CCN2: variants seen among roughly 807,000 people sequenced by gnomAD.
CCN2 encodes cellular communication network factor 2.
In CCN2, 22 loss-of-function variants were observed where a neutral mutation model predicts 33.2. The observed-to-expected ratio is 0.66, with a 90% CI of 0.47 to 0.95. The LOEUF (loss-of-function observed/expected upper bound fraction) is 0.95. Ranked by LOEUF, CCN2 falls within the 40% of genes least tolerant of loss-of-function variation. The probability of loss-of-function intolerance (pLI) is 0.00; values close to 1 mark genes in which losing one functional copy is unlikely to be tolerated. For missense variants in CCN2, 469 were observed against 498.8 expected, an observed-to-expected ratio of 0.94 and a Z score of 0.57; for synonymous variants, 178 against 200.6, an observed-to-expected ratio of 0.89 and a Z score of 0.95.
Position 131,951,143 on chromosome 6 carries a change from G to A in CCN2, c.30C>T (p.Arg10=), listed in dbSNP as rs1783104751. MTAASMGPV[R]VAFVVLLALC... is the part of the protein sequence containing the mutation. The stretch of plus-strand genomic sequence containing the variant: ...GGGCGAGGAGGACCACGAAGGCGAC[G>A]CGGACGGGGCCCATACTGGCGGCGG... The change falls in exon 1 of 5, where the codon CGC becomes CGT. Residue 10 remains arginine (R), a synonymous_variant. Transcript: ENST00000367976. The A allele has an allele frequency of 7.4e-7, 1 of 1,346,774 alleles. No individual in the cohort carries two copies. The allele number at this position is 1,346,774 out of a possible 1,614,324, so 83.4% of individuals were successfully genotyped here. A position where few individuals can be genotyped will look rare whatever the true frequency, so the allele number is the denominator to read the frequency against.
rs1365979302 is a variant in CCN2 at position 131,950,230 on chromosome 6, C to A, written c.541+62G>T. 4 of 1,610,464 alleles carry A rather than the reference C, an allele frequency of 2.5e-6. No homozygotes were observed. Among genetic ancestry groups the A allele is most frequent in the Non-Finnish European group, 3.4e-6 (4 of 1,177,410 alleles). ...AGGTATTTCCCCCGTTCGGTCGGCA[C>A]AGTTAGGACTCCCTCCCTGGGAGAG... is the stretch of plus-strand genomic sequence containing the variant. On this transcript the variant is annotated intron_variant, in intron 3 of 4. Transcript: ENST00000367976. The surrounding 1 kb of genome is among the most constrained non-coding windows in gnomAD (Gnocchi z 7.1).
Position 131,949,438 on chromosome 6 carries a change from G to C in CCN2, c.876C>G (p.Cys292Trp). Residue 292 changes from cysteine (C) to tryptophan (W), a missense_variant, in exon 5 of 5, where the codon TGC becomes TGG. By Grantham distance (215) the Cys-to-Trp change is radical. Coordinates refer to ENST00000367976, the MANE Select transcript of CCN2 (RefSeq NM_001901.4). The part of the protein sequence containing the change: ...KFCGVCTDGR[C>W]CTPHRTTTLP... ...GGGTGGTGGTTCTGTGGGGGGTGCA[G>C]CATCGGCCGTCGGTACATACTCCAC... 6.2e-7 allele frequency: 1 copy of C among 1,614,224 alleles called. No homozygotes were observed. The highest frequency in any genetic ancestry group is 8.5e-7 in the Non-Finnish European group (1 of 1,180,042).
Position 131,950,534 on chromosome 6 carries a change from C to T in CCN2, c.299G>A (p.Gly100Asp). Residue 100 changes from glycine to aspartate, a missense_variant, in exon 3 of 5, where the codon GGT becomes GAT. Coordinates refer to ENST00000367976, the MANE Select transcript of CCN2 (RefSeq NM_001901.4). This position sits in a 1 kb window ranked among gnomAD's most constrained non-coding sequence, Gnocchi z 7.1. ...RKIGVCTAKD[G>D]APCIFGGTVY... Reference sequence around the variant, plus strand: ...CGTACCACCGAAGATGCAGGGAGCACCATCTTTGGCTGGAGAAGAGGAAGG... The same window carrying T: ...CGTACCACCGAAGATGCAGGGAGCATCATCTTTGGCTGGAGAAGAGGAAGG... 1 of 1,613,058 alleles carries T rather than the reference C, an allele frequency of 6.2e-7. No homozygotes were observed. Among genetic ancestry groups the T allele is most frequent in the East Asian group, 2.2e-5 (1 of 44,850 alleles).
chr6:131,949,512 A>C lies in CCN2; in HGVS notation c.802T>G (p.Phe268Val). 6.2e-7 allele frequency: 1 copy of C among 1,613,422 alleles called. No individual in the cohort carries two copies. The highest frequency in any genetic ancestry group is 8.5e-7 in the Non-Finnish European group (1 of 1,179,650). Reference protein sequence around the residue: ...RTPKISKPIKFELSGCTSMKT... With the variant: ...RTPKISKPIKVELSGCTSMKT... ...ATGCTGGTGCAGCCAGAAAGCTCAA[A>C]CTTGATAGGCTTGGAGATTTTGGGA... is the stretch of plus-strand genomic sequence containing the variant. The change falls in exon 5 of 5, where the codon TTT (phenylalanine) becomes GTT (valine). Residue 268 changes from phenylalanine to valine, a missense_variant. By Grantham distance (50) the Phe-to-Val change is conservative (BLOSUM62 -1). Transcript: ENST00000367976.
In CCN2 at chr6:131,948,593, G is replaced by A. The variant is rs570831860; in HGVS notation, c.*671C>T. 6.6e-6 allele frequency: 1 copy of A among 151,262 alleles called. No homozygotes were observed. The highest frequency in any genetic ancestry group is 1.5e-5 in the Non-Finnish European group (1 of 67,696). The allele number at this position is 151,262 out of a possible 1,614,324, so 9.4% of individuals were successfully genotyped here. ...AAGCATTAAAAACAAAAATAAAAAG[G>A]CACAAACAACTTTAAATTAACTTAG... is the stretch of plus-strand genomic sequence containing the variant. On this transcript the variant is annotated 3_prime_UTR_variant, in exon 5 of 5. Transcript: ENST00000367976.
chr6:131,950,865 C>T lies in CCN2; in HGVS notation c.194G>A (p.Gly65Asp), dbSNP rs1331949021. Residue 65 changes from glycine to aspartate, a missense_variant, in exon 2 of 5, where the codon GGC (glycine) becomes GAC (aspartate). By Grantham distance (94) the Gly-to-Asp change is moderately conservative. Transcript: ENST00000367976. This position sits in a 1 kb window ranked among gnomAD's most constrained non-coding sequence, Gnocchi z 7.1. ...GCCRVCAKQL[G>D]ELCTERDPCD... ...TGGGTCGCGCTCGGTGCACAGCTCG[C>T]CCAGCTGCTTGGCGCAGACGCGGCA... is the stretch of plus-strand genomic sequence containing the variant. 5.9e-6 allele frequency: 9 copies of T among 1,533,666 alleles called. No individual in the cohort carries two copies. The highest frequency in any genetic ancestry group is 2.0e-5 in the Admixed American group (1 of 50,986).
chr6:131,950,696 TC>T lies in CCN2; in HGVS notation c.289+73del, dbSNP rs1249700358. ...AGAAAGAAACTCAGTCCGAGCGGTT[TC>T]TTTTTCCAGCGGGCGGGTGGGCGTG... is the stretch of plus-strand genomic sequence containing the variant. On this transcript the variant is annotated intron_variant, in intron 2 of 4. Transcript: ENST00000367976. This position sits in a 1 kb window ranked among gnomAD's most constrained non-coding sequence, Gnocchi z 7.1. 11 of 1,478,854 alleles carry T rather than the reference TC, an allele frequency of 7.4e-6. No homozygotes were observed. Among genetic ancestry groups the T allele is most frequent in the Non-Finnish European group, 1.0e-5 (11 of 1,104,128 alleles). The allele number at this position is 1,478,854 out of a possible 1,614,324, so 91.6% of individuals were successfully genotyped here.
At position 131,950,462 on chromosome 6, in the gene CCN2, C is replaced by CACTG; in HGVS notation, c.367_370dup (p.Cys124SerfsTer25). ...GCCCACCGCCCCGTCCAGGCACGTG[C>CACTG]ACTGGTACTTGCAGCTGCTCTGGAA... On this transcript the variant is annotated frameshift_variant, in exon 3 of 5. Coordinates refer to ENST00000367976, the MANE Select transcript of CCN2 (RefSeq NM_001901.4). LOFTEE classifies it high-confidence loss of function. The surrounding 1 kb of genome is among the most constrained non-coding windows in gnomAD (Gnocchi z 7.1). The CACTG allele has an allele frequency of 6.2e-7, 1 of 1,614,030 alleles. No homozygotes were observed. The highest frequency in any genetic ancestry group is 8.5e-7 in the Non-Finnish European group (1 of 1,180,046).
In CCN2 at chr6:131,949,290, T is replaced by C. The variant is rs766862137; in HGVS notation, c.1024A>G (p.Arg342Gly). 7.4e-6 allele frequency: 12 copies of C among 1,614,050 alleles called. No individual in the cohort carries two copies. Among genetic ancestry groups the C allele is most frequent in the Non-Finnish European group, 1.0e-5 (12 of 1,180,014 alleles). Residue 342 changes from arginine (R) to glycine (G), a missense_variant, in exon 5 of 5, where the codon AGG (arginine) becomes GGG (glycine). Transcript: ENST00000367976. ...CATGCCATGTCTCCGTACATCTTCC[T>C]GTAGTACAGCGATTCAAAGATGTCA... The part of the protein sequence containing the change: ...DNDIFESLYY[R>G]KMYGDMA
At position 131,951,216 on chromosome 6, in the gene CCN2, G is replaced by T; in HGVS notation, c.-44C>A. On this transcript the variant is annotated 5_prime_UTR_variant, in exon 1 of 5. Coordinates refer to ENST00000367976, the MANE Select transcript of CCN2 (RefSeq NM_001901.4). ...AGCGGAGGGCGCGGTGGCGGCGAGCGGGGAGCGGCGGGGCCTGGAGCGCTG... is the reference window on the plus strand; with the variant it reads ...AGCGGAGGGCGCGGTGGCGGCGAGCTGGGAGCGGCGGGGCCTGGAGCGCTG... 2 of 1,263,792 alleles carry T rather than the reference G, an allele frequency of 1.6e-6. No homozygotes were observed. The highest frequency in any genetic ancestry group is 2.0e-6 in the Non-Finnish European group (2 of 1,005,732). The allele number at this position is 1,263,792 out of a possible 1,614,324, so 78.3% of individuals were successfully genotyped here.
Position 131,949,351 on chromosome 6 carries a change from C to T in CCN2, c.963G>A (p.Lys321=). ...GACAGTTGTAATGGCAGGCACAGGTCTTGATGAACATCATGTTCTTCTTCA... is the reference window on the plus strand; with the variant it reads ...GACAGTTGTAATGGCAGGCACAGGTTTTGATGAACATCATGTTCTTCTTCA... ...EVMKKNMMFI[K]TCACHYNCPG... The change falls in exon 5 of 5, where the codon AAG becomes AAA. Residue 321 remains lysine (K), a synonymous_variant. Transcript: ENST00000367976. The T allele has an allele frequency of 6.2e-7, 1 of 1,614,168 alleles. No homozygotes were observed. The highest frequency in any genetic ancestry group is 8.5e-7 in the Non-Finnish European group (1 of 1,180,040).
At position 131,949,340 on chromosome 6, in the gene CCN2, C is replaced by T. The variant is rs1332254757; in HGVS notation, c.974G>A (p.Cys325Tyr). ...ATTGTCTCCGGGACAGTTGTAATGG[C>T]AGGCACAGGTCTTGATGAACATCAT... Reference protein sequence around the residue: ...KNMMFIKTCACHYNCPGDNDI... With the variant: ...KNMMFIKTCAYHYNCPGDNDI... The change falls in exon 5 of 5, where the codon TGC becomes TAC. Residue 325 changes from cysteine (C) to tyrosine (Y), a missense_variant. By Grantham distance (194) the Cys-to-Tyr change is radical. Coordinates refer to ENST00000367976, the MANE Select transcript of CCN2 (RefSeq NM_001901.4). The T allele has an allele frequency of 6.2e-7, 1 of 1,614,208 alleles. No homozygotes were observed. Among genetic ancestry groups the T allele is most frequent in the Admixed American group, 1.7e-5 (1 of 60,020 alleles).
rs1298892255 is a variant in CCN2 at position 131,950,142 on chromosome 6, G to T, written c.560C>A (p.Thr187Lys). ...AATCATAGTTGGGTCTGGGCCAAAC[G>T]TGTCTTCCAGTCGGTAAGCTGCGAG... Reference protein sequence around the residue: ...PALAAYRLEDTFGPDPTMIRA... With the variant: ...PALAAYRLEDKFGPDPTMIRA... Residue 187 changes from threonine (T) to lysine (K), a missense_variant, in exon 4 of 5, where the codon ACG becomes AAG. Thr to Lys is a moderately conservative substitution (Grantham distance 78). Coordinates refer to ENST00000367976, the MANE Select transcript of CCN2 (RefSeq NM_001901.4). This position sits in a 1 kb window ranked among gnomAD's most constrained non-coding sequence, Gnocchi z 7.1. The T allele has an allele frequency of 6.2e-7, 1 of 1,614,114 alleles. No individual in the cohort carries two copies. The highest frequency in any genetic ancestry group is 1.3e-5 in the African/African-American group (1 of 74,940).
Position 131,950,074 on chromosome 6 carries a change from A to T in CCN2, c.628T>A (p.Ser210Thr). The change falls in exon 4 of 5, where the codon TCC becomes ACC. Residue 210 changes from serine to threonine, a missense_variant. Coordinates refer to ENST00000367976, the MANE Select transcript of CCN2 (RefSeq NM_001901.4). This position sits in a 1 kb window ranked among gnomAD's most constrained non-coding sequence, Gnocchi z 7.1. ...LVQTTEWSACSKTCGMGISTR... is the reference protein window; with the variant it reads ...LVQTTEWSACTKTCGMGISTR... ...GAGATGCCCATCCCACAGGTCTTGG[A>T]ACAGGCGCTCCACTCTGTGGTCTGG... 6.2e-7 allele frequency: 1 copy of T among 1,614,240 alleles called. No individual in the cohort carries two copies. The highest frequency in any genetic ancestry group is 1.6e-4 in the Middle Eastern group (1 of 6,062).
Position 131,949,950 on chromosome 6 carries a change from T to C in CCN2, c.752A>G (p.Lys251Arg), listed in dbSNP as rs777629332. Residue 251 changes from lysine (K) to arginine (R), a missense_variant and splice_region_variant, in exon 4 of 5, where the codon AAG becomes AGG. By Grantham distance (26) the Lys-to-Arg change is conservative. Coordinates refer to ENST00000367976, the MANE Select transcript of CCN2 (RefSeq NM_001901.4). ...PCEADLEENI[K>R]KGKKCIRTPK... Reference sequence around the variant, plus strand: ...AGTTAATAGGAGCAGAACATGTACCTTAATGTTCTCTTCCAGGTCAGCTTC... The same window carrying C: ...AGTTAATAGGAGCAGAACATGTACCCTAATGTTCTCTTCCAGGTCAGCTTC... 1 of 1,614,046 alleles carries C rather than the reference T, an allele frequency of 6.2e-7. No homozygotes were observed. Among genetic ancestry groups the C allele is most frequent in the South Asian group, 1.1e-5 (1 of 91,070 alleles).
At position 131,950,062 on chromosome 6, in the gene CCN2, C is replaced by G; in HGVS notation, c.640G>C (p.Gly214Arg). ...GTAACCCGGGTGGAGATGCCCATCC[C>G]ACAGGTCTTGGAACAGGCGCTCCAC... ...TEWSACSKTC[G>R]MGISTRVTND... Residue 214 changes from glycine to arginine, a missense_variant, in exon 4 of 5, where the codon GGG (glycine) becomes CGG (arginine). Coordinates refer to ENST00000367976, the MANE Select transcript of CCN2 (RefSeq NM_001901.4). The surrounding 1 kb of genome is among the most constrained non-coding windows in gnomAD (Gnocchi z 7.1). The G allele has an allele frequency of 6.2e-7, 1 of 1,614,208 alleles. No homozygotes were observed. The highest frequency in any genetic ancestry group is 1.1e-5 in the South Asian group (1 of 91,080).
chr6:131,949,598 A>T (rs79554885), intron 4 of CCN2, 38 bp from the exon 5 acceptor site: 1 of 1,485,476 alleles, frequency 6.7e-7, no homozygotes, highest in Non-Finnish European at 9.3e-7. Context: ...GAAAAAAAAA[A>T]ATCAGCGACT....
In CCN2 at chr6:131,950,344, C is replaced by A. The variant is rs1585880967; in HGVS notation, c.489G>T (p.Glu163Asp). 6.2e-7 allele frequency: 1 copy of A among 1,614,188 alleles called. No homozygotes were observed. The highest frequency in any genetic ancestry group is 2.2e-5 in the East Asian group (1 of 44,882). ...GGTCCTTGGGCTCGTCACACACCCA[C>A]TCCTCGCAGCATTTCCCGGGCAGCT... ...RVKLPGKCCE[E>D]WVCDEPKDQT... is the part of the protein sequence containing the mutation. The change falls in exon 3 of 5, where the codon GAG (glutamate) becomes GAT (aspartate). Residue 163 changes from glutamate to aspartate, a missense_variant. By Grantham distance (45) the Glu-to-Asp change is conservative (BLOSUM62 2). Coordinates refer to ENST00000367976, the MANE Select transcript of CCN2 (RefSeq NM_001901.4). The surrounding 1 kb of genome is among the most constrained non-coding windows in gnomAD (Gnocchi z 7.1).
chr6:131,950,044 G>A lies in CCN2; in HGVS notation c.658C>T (p.Arg220Trp). Residue 220 changes from arginine to tryptophan, a missense_variant, in exon 4 of 5, where the codon CGG (arginine) becomes TGG (tryptophan). Arg to Trp is a moderately radical substitution (Grantham distance 101). Transcript: ENST00000367976. The surrounding 1 kb of genome is among the most constrained non-coding windows in gnomAD (Gnocchi z 7.1). ...SKTCGMGIST[R>W]VTNDNASCRL... ...CAGGAGGCGTTGTCATTGGTAACCCGGGTGGAGATGCCCATCCCACAGGTC... is the reference window on the plus strand; with the variant it reads ...CAGGAGGCGTTGTCATTGGTAACCCAGGTGGAGATGCCCATCCCACAGGTC... 2 of 1,614,202 alleles carry A rather than the reference G, an allele frequency of 1.2e-6. No homozygotes were observed. Among genetic ancestry groups the A allele is most frequent in the South Asian group, 1.1e-5 (1 of 91,080 alleles).
Sources: gnomAD v4.1 joint callset for allele counts on GRCh38, gnomAD v4.1.1 for gene constraint, Gnocchi (gnomAD v3.1) non-coding constraint, MANE v1.5 for transcripts, NCBI Gene and HGNC (gene_info 2026-07-23, HGNC 2026-07-21) for gene names.